Variants in HIGD1C observed in about 807,000 individuals in gnomAD.
HIGD1C encodes the protein HIG1 domain family member 1C.
Under a neutral mutation model 13.1 loss-of-function variants are expected in HIGD1C, and 11 were observed. The observed-to-expected ratio is 0.84, with a 90% CI of 0.53 to 1.39. The LOEUF (loss-of-function observed/expected upper bound fraction) is 1.39. Among genes scored for constraint, HIGD1C ranks in the 40% most tolerant of loss-of-function variants. HIGD1C has a pLI of 0.00. For missense variants in HIGD1C, 110 were observed against 112.0 expected, an observed-to-expected ratio of 0.98 and a Z score of 0.08; for synonymous variants, 36 against 37.7, an observed-to-expected ratio of 0.95 and a Z score of 0.17.
the HIGD1C span, among the ~76,000 whole-genome samples, chr12:50,940,405 T>A: frequency 2.6e-5 from 4 of 152,106 alleles, no homozygotes; most frequent in African/African-American, 7.2e-5. Flanking sequence ...TAGAAATAAA[T>A]CTAAAATCCT....
chr12:50,967,113 C>CAAA (rs58572587), intron 2 of HIGD1C, among the ~76,000 whole-genome samples: 1 of 131,916 alleles, frequency 7.6e-6, no homozygotes, highest in Admixed American at 8.0e-5. Flanking sequence ...GACTCAGTCT[C>CAAA]AAAAAAAAAA....
At chr12:50,947,779 A>G in the HIGD1C span, among the ~76,000 whole-genome samples, 3 of 152,158 alleles carry the variant, frequency 2.0e-5, no homozygotes, top group Admixed American at 1.3e-4. Context: ...GAGGCATCAA[A>G]CTGGTCTAAA....
At chr12:50,955,364 A>C (rs918309734) in intron 1 of HIGD1C, among the ~76,000 whole-genome samples, 17 of 152,220 alleles carry the variant, frequency 1.1e-4, no homozygotes, top group African/African-American at 3.9e-4. Flanking sequence ...TTCAACAAGT[A>C]TTATGTGTAT....
the HIGD1C span, among the ~76,000 whole-genome samples, chr12:50,942,527 T>C: frequency 6.6e-6 from 1 of 152,246 alleles, no homozygotes; most frequent in Non-Finnish European, 1.5e-5. Flanking sequence ...AATCCTTTGA[T>C]GGCTTCCCAT....
chr12:50,969,414 G>A (rs150093332), intron 2 of HIGD1C, among the ~76,000 whole-genome samples: 383 of 152,074 alleles, frequency 2.5e-3, no homozygotes, highest in African/African-American at 7.9e-3. Context: ...AATCTCATAC[G>A]TAAGGCCAGG....
intron 2 of HIGD1C, among the ~76,000 whole-genome samples, chr12:50,963,182 C>A (rs1346876097): frequency 6.6e-6 from 1 of 151,580 alleles, no homozygotes. Context: ...CAAGCCTGGT[C>A]AACATGGTGA....
chr12:50,966,257 T>C (rs1939538775), intron 2 of HIGD1C, among the ~76,000 whole-genome samples: 1 of 152,192 alleles, frequency 6.6e-6, no homozygotes, highest in African/African-American at 2.4e-5. Flanking sequence ...CACAGGACTC[T>C]TGTCAGGGCT....
chr12:50,938,712 T>A, the HIGD1C span, among the ~76,000 whole-genome samples: 1 of 152,188 alleles, frequency 6.6e-6, no homozygotes, highest in African/African-American at 2.4e-5. Context: ...GCTATCACCA[T>A]CACCTTAGTT....
At chr12:50,949,561 T>A (rs1938855130), upstream of HIGD1C, among the ~76,000 whole-genome samples, 1 of 126,180 alleles carries the variant, frequency 7.9e-6, no homozygotes, top group Non-Finnish European at 1.6e-5. Context: ...TGAGATGGAG[T>A]CTCACTCTGT....
intron 1 of HIGD1C, 44 bp downstream of exon 3, chr12:50,954,136 A>G: frequency 8.7e-7 from 1 of 1,151,512 alleles, no homozygotes. Context: ...GTAATAACAC[A>G]ATGATGCCTT....
At position 50,970,424 on chromosome 12, in the gene HIGD1C, A is replaced by C; in HGVS notation, c.230-18A>C. 1 of 1,293,830 alleles carries C rather than the reference A, an allele frequency of 7.7e-7. No individual in the cohort carries two copies. Among genetic ancestry groups the C allele is most frequent in the Non-Finnish European group, 1.1e-6 (1 of 915,022 alleles). 80.1% of individuals were successfully genotyped at this position (1,293,830 alleles called of 1,614,324 possible). ...TTTCCCATGGATACTCAATTGATAT[A>C]CATCCTTCTTTTTCTAGGTGTTCTC... On this transcript the variant is annotated intron_variant, in intron 2 of 2. Transcript: ENST00000398455.
chr12:50,938,163 G>T, the HIGD1C span, among the ~76,000 whole-genome samples: 3 of 152,002 alleles, frequency 2.0e-5, no homozygotes, highest in African/African-American at 7.3e-5. Flanking sequence ...AGGGGTGCCT[G>T]CAGGCCCCTT....
At chr12:50,945,212 T>C in the HIGD1C span, among the ~76,000 whole-genome samples, 9 of 152,058 alleles carry the variant, frequency 5.9e-5, no homozygotes, top group East Asian at 1.9e-4. Context: ...CTATTCAACA[T>C]AGTGTTGGAA....
downstream of HIGD1C, among the ~76,000 whole-genome samples, chr12:50,970,885 A>AT (rs201732756): frequency 3.5e-4 from 53 of 151,298 alleles, no homozygotes; most frequent in African/African-American, 8.0e-4. Context: ...ATTTTATTTT[A>AT]TTTTATTTTT....
At chr12:50,932,019 T>C in the HIGD1C span, 1 of 152,218 alleles carries the variant, frequency 6.6e-6, no homozygotes, top group African/African-American at 2.4e-5. Context: ...TTTGTTTTCC[T>C]GCATTCCAGT....
chr12:50,958,964 C>T (rs887666495), intron 1 of HIGD1C, among the ~76,000 whole-genome samples: 6 of 151,090 alleles, frequency 4.0e-5, no homozygotes, highest in Non-Finnish European at 7.4e-5. Context: ...TTGCAGTGAG[C>T]TGAGATTGTA....
intron 1 of HIGD1C, among the ~76,000 whole-genome samples, chr12:50,955,960 A>G (rs1296657336): frequency 6.6e-6 from 1 of 152,286 alleles, no homozygotes; most frequent in Non-Finnish European, 1.5e-5. Context: ...AATTATAAAC[A>G]AACTAGAGAC....
At chr12:50,935,090 T>C in the HIGD1C span, 1 of 152,216 alleles carries the variant, frequency 6.6e-6, no homozygotes, top group African/African-American at 2.4e-5. Flanking sequence ...CCTTCCCCTT[T>C]CGTCTTGGTT....
the HIGD1C span, chr12:50,932,451 A>C: frequency 6.6e-6 from 1 of 152,236 alleles, no homozygotes; most frequent in Admixed American, 6.5e-5. Flanking sequence ...ATTTTGTAAA[A>C]GTACTATTTT....
Sources: allele counts gnomAD v4.1 joint callset (sites outside exome capture counted in the v4.1 genomes callset), GRCh38; gene constraint gnomAD v4.1.1; transcripts MANE v1.5; gene names NCBI Gene and HGNC (gene_info 2026-07-23, HGNC 2026-07-21).